RAPH1: variants seen among roughly 807,000 people sequenced by gnomAD.
RAPH1 encodes the protein ras-associated and pleckstrin homology domains-containing protein 1.
In RAPH1, 18 loss-of-function variants were observed where a neutral mutation model predicts 88.1. The ratio of observed to expected loss-of-function variants is 0.20; its 90% CI spans 0.14 to 0.30. The LOEUF is 0.30. Among genes scored for constraint, RAPH1 ranks in the 10% least tolerant of loss-of-function variants. RAPH1 has a pLI of 1.00. For synonymous variants in RAPH1, 587 were observed against 559.0 expected, an observed-to-expected ratio of 1.05 and a Z score of -0.71; for missense variants, 1,448 against 1,543.2, an observed-to-expected ratio of 0.94 and a Z score of 1.03.
At chr2:203,492,726 T>C (rs1383999061) in intron 2 of RAPH1, among the ~76,000 whole-genome samples, 2 of 152,164 alleles carry the variant, frequency 1.3e-5, no homozygotes, top group Non-Finnish European at 2.9e-5. Flanking sequence ...CTGAACAAGC[T>C]TCAAATTTTA....
chr2:203,491,398 T>G, intron 2 of RAPH1, 79 bp from the exon 3 acceptor site: 4 of 883,460 alleles, frequency 4.5e-6, no homozygotes, highest in Non-Finnish European at 7.0e-6. Context: ...TGTTTTATGA[T>G]TAAGTGAACT....
intron 6 of RAPH1, 47 bp downstream of exon 6, chr2:203,461,202 A>G: frequency 7.8e-7 from 1 of 1,277,794 alleles, no homozygotes; most frequent in Non-Finnish European, 1.1e-6. Context: ...AAAACTGATG[A>G]AATTACACAA....
rs746761130 is a variant in RAPH1, at chr2:203,440,262, C to T, written c.2928G>A (p.Gln976=). 1.2e-6 allele frequency: 2 copies of T among 1,613,870 alleles called. No homozygotes were observed. Among genetic ancestry groups the T allele is most frequent in the Non-Finnish European group, 1.7e-6 (2 of 1,179,972 alleles). ...TGCTGGATTTAATGCTGGAGTTGCGCTGTGGGGTTGGGGGTGGTTTCTTTC... is the reference window on the plus strand; with the variant it reads ...TGCTGGATTTAATGCTGGAGTTGCGTTGTGGGGTTGGGGGTGGTTTCTTTC... ...PGGKKPPPTP[Q]RNSSIKSSSG... Residue 976 remains glutamine (Q), a synonymous_variant, in exon 14 of 14, where the codon CAG becomes CAA. Coordinates refer to ENST00000319170, the MANE Select transcript of RAPH1 (RefSeq NM_213589.3).
At chr2:203,518,422 G>C (rs1689712937) in intron 1 of RAPH1, among the ~76,000 whole-genome samples, 3 of 152,010 alleles carry the variant, frequency 2.0e-5, no homozygotes, top group African/African-American at 7.2e-5. Context: ...GGAGCCTGAG[G>C]CATGAGAATT....
chr2:203,498,618 A>G (rs1360090687), intron 1 of RAPH1, among the ~76,000 whole-genome samples: 2 of 152,208 alleles, frequency 1.3e-5, no homozygotes, highest in African/African-American at 4.8e-5. Context: ...GGGCTTCCAC[A>G]TTAGATATCA....
chr2:203,505,310 T>C (rs1263969078), intron 1 of RAPH1, among the ~76,000 whole-genome samples: 1 of 152,140 alleles, frequency 6.6e-6, no homozygotes, highest in Non-Finnish European at 1.5e-5. Flanking sequence ...AAGGCACTTC[T>C]TACATGGCGG....
intron 1 of RAPH1, among the ~76,000 whole-genome samples, chr2:203,527,755 G>A (rs1690188086): frequency 7.2e-6 from 1 of 138,132 alleles, no homozygotes; most frequent in Admixed American, 7.8e-5. Flanking sequence ...AGCCAAGATT[G>A]AGCCATTGCA....
At chr2:203,454,777 G>A (rs968722196) in intron 9 of RAPH1, among the ~76,000 whole-genome samples, 1 of 152,146 alleles carries the variant, frequency 6.6e-6, no homozygotes, top group Non-Finnish European at 1.5e-5. Flanking sequence ...ACACTAACTT[G>A]TTAAGGAGTG....
chr2:203,457,611 T>A lies in RAPH1; in HGVS notation c.1093-16A>T. The A allele has an allele frequency of 6.4e-7, 1 of 1,571,912 alleles. No individual in the cohort carries two copies. The highest frequency in any genetic ancestry group is 2.2e-5 in the East Asian group (1 of 44,714). ...AAAGATAATTCTGGAAAAACAAACA[T>A]ATGGAAGGGATGGGTGGGAGAGAAA... On this transcript the variant is annotated splice_polypyrimidine_tract_variant and intron_variant, in intron 7 of 13. Coordinates refer to ENST00000319170, the MANE Select transcript of RAPH1 (RefSeq NM_213589.3).
chr2:203,447,706 T>G (rs903281896), intron 12 of RAPH1: 1 of 280,344 alleles, frequency 3.6e-6, no homozygotes, highest in Admixed American at 4.8e-5. Flanking sequence ...TTTGAATAAA[T>G]TTTATAAATA....
intron 7 of RAPH1, among the ~76,000 whole-genome samples, chr2:203,458,028 A>G (rs1433027097): frequency 6.6e-6 from 1 of 152,200 alleles, no homozygotes; most frequent in Non-Finnish European, 1.5e-5. Flanking sequence ...GAAATCCCAT[A>G]TTCTCTGGGA....
Position 203,495,396 on chromosome 2 carries a change from GT to G in RAPH1, c.1-44del, listed in dbSNP as rs748200475. 4.4e-6 allele frequency: 7 copies of G among 1,605,554 alleles called. No homozygotes were observed. The Admixed American group carries it at 1.2e-4, about 27-fold the overall frequency. ...GTGTAGAATGAATAGTAAGTTACAG[GT>G]TTAACTTGAAAAATTATGCCATATA... On this transcript the variant is annotated intron_variant, in intron 1 of 13. Transcript: ENST00000319170.
At chr2:203,531,037 GA>G (rs1268565786) in intron 1 of RAPH1, among the ~76,000 whole-genome samples, 1 of 152,146 alleles carries the variant, frequency 6.6e-6, no homozygotes, top group Non-Finnish European at 1.5e-5. Flanking sequence ...ATATGCAAAA[GA>G]ATGAAGTTGG....
At position 203,448,566 on chromosome 2, in the gene RAPH1, C is replaced by T. The variant is rs1463275958; in HGVS notation, c.1512+172G>A. Among the ~76,000 whole-genome samples the T allele has an allele frequency of 6.6e-6, 1 of 152,142 alleles. No individual in the cohort carries two copies. The highest frequency in any genetic ancestry group is 2.4e-5 in the African/African-American group (1 of 41,424). On this transcript the variant is annotated intron_variant, in intron 11 of 13. Coordinates refer to ENST00000319170, the MANE Select transcript of RAPH1 (RefSeq NM_213589.3). This position sits in a 1 kb window ranked among gnomAD's most constrained non-coding sequence, Gnocchi z 4.1. ...AGTATACCAAATGTTAAAAGTTTAT[C>T]CCTATAAACAAGGAAAAAAGACAAC... is the stretch of plus-strand genomic sequence containing the variant.
intron 4 of RAPH1, among the ~76,000 whole-genome samples, chr2:203,475,190 A>G (rs893999114): frequency 3.3e-5 from 5 of 152,124 alleles, no homozygotes; most frequent in Non-Finnish European, 7.4e-5. Context: ...GGAGGATCAC[A>G]AGGTCAGGAG....
intron 1 of RAPH1, among the ~76,000 whole-genome samples, chr2:203,529,694 A>G (rs892266598): frequency 9.2e-5 from 14 of 152,134 alleles, no homozygotes; most frequent in Middle Eastern, 3.2e-3. Context: ...AAATTGACTT[A>G]AGATTCTACA....
intron 4 of RAPH1, among the ~76,000 whole-genome samples, chr2:203,476,476 AT>A (rs568490231): frequency 6.6e-6 from 1 of 151,790 alleles, no homozygotes; most frequent in East Asian, 1.9e-4. Flanking sequence ...CGGCCACGAG[AT>A]TTTTTTTACA....
intron 2 of RAPH1, among the ~76,000 whole-genome samples, chr2:203,493,949 C>T (rs1446783486): frequency 2.0e-4 from 23 of 114,112 alleles, no homozygotes; most frequent in African/African-American, 5.9e-4. Flanking sequence ...CCAGCCTGGG[C>T]GACAGGAGTG....
At chr2:203,456,431 C>A (rs1409714503) in intron 8 of RAPH1, among the ~76,000 whole-genome samples, 1 of 152,026 alleles carries the variant, frequency 6.6e-6, no homozygotes, top group African/African-American at 2.4e-5. Flanking sequence ...GACTCTAAGA[C>A]AAAGAGGGCA....
Sources: gnomAD v4.1 joint callset for allele counts (sites outside exome capture counted in the v4.1 genomes callset) on GRCh38, gnomAD v4.1.1 for gene constraint, Gnocchi (gnomAD v3.1) non-coding constraint, MANE v1.5 for transcripts, NCBI Gene and HGNC (gene_info 2026-07-23, HGNC 2026-07-21) for gene names.